The following RIMKLB variants were observed in gnomAD, a reference collection of about 807,000 sequenced individuals.
RIMKLB encodes beta-citrylglutamate synthase B.
In RIMKLB, 7 loss-of-function variants were observed where a neutral mutation model predicts 32.0. That is an observed-to-expected ratio of 0.22 (90% CI 0.12 to 0.41). The LOEUF (loss-of-function observed/expected upper bound fraction) is 0.41, where lower values mean the gene tolerates loss of function less well. Among genes scored for constraint, RIMKLB ranks in the 10% least tolerant of loss-of-function variants. The pLI is 1.00. For synonymous variants in RIMKLB, 172 were observed against 185.1 expected (o/e 0.93, Z 0.57); for missense variants, 289 against 498.7 (o/e 0.58, Z 4.00).
upstream of RIMKLB, among the ~76,000 whole-genome samples, chr12:8,692,494 A>G (rs147074334): frequency 7.2e-5 from 11 of 151,926 alleles, no homozygotes; most frequent in Non-Finnish European, 1.3e-4. Flanking sequence ...TTAAACAAGC[A>G]TTCCAGGTAA....
At position 8,774,509 on chromosome 12, in the gene RIMKLB, G is replaced by T. The variant is rs996188904; in HGVS notation, c.*725G>T. On this transcript the variant is annotated 3_prime_UTR_variant, in exon 6 of 6. Coordinates refer to ENST00000535829, the MANE Select transcript of RIMKLB (RefSeq NM_001297776.2). Reference sequence around the variant, plus strand: ...ATAAAATTACACTAGTTTAAAATATGTGCATTCACTTGTATTTGTTAGTGT... The same window carrying T: ...ATAAAATTACACTAGTTTAAAATATTTGCATTCACTTGTATTTGTTAGTGT... The T allele has an allele frequency of 2.2e-4, 213 of 979,616 alleles. No individual in the cohort carries two copies. The highest frequency in any genetic ancestry group is 2.4e-4 in the Non-Finnish European group (200 of 825,408). 60.7% of individuals were successfully genotyped at this position (979,616 alleles called of 1,614,324 possible). A position where few individuals can be genotyped will look rare whatever the true frequency, so the allele number is the denominator to read the frequency against.
intron 1 of RIMKLB, among the ~76,000 whole-genome samples, chr12:8,684,551 A>AT (rs1168288225): frequency 3.3e-5 from 5 of 152,068 alleles, no homozygotes; most frequent in Non-Finnish European, 7.4e-5. Flanking sequence ...TTTTGAGTAA[A>AT]TTTTTGTGAA....
At chr12:8,768,496 GA>G (rs1434430334) in intron 5 of RIMKLB, among the ~76,000 whole-genome samples, 1 of 152,188 alleles carries the variant, frequency 6.6e-6, no homozygotes, top group African/African-American at 2.4e-5. Flanking sequence ...GTTTTTATAA[GA>G]TTGGCCAATA....
At chr12:8,684,725 A>G (rs1942516680) in intron 1 of RIMKLB, among the ~76,000 whole-genome samples, 1 of 152,040 alleles carries the variant, frequency 6.6e-6, no homozygotes, top group Admixed American at 6.6e-5. Context: ...GGTTCAAGTG[A>G]TTCTCTCACC....
At chr12:8,735,735 C>G (rs1946939983) in intron 2 of RIMKLB, among the ~76,000 whole-genome samples, 1 of 148,020 alleles carries the variant, frequency 6.8e-6, no homozygotes. Flanking sequence ...TTTTGTCTGT[C>G]TGTTTGTTTT....
chr12:8,693,913 TG>T (rs1258881950), upstream of RIMKLB, among the ~76,000 whole-genome samples: 1 of 152,140 alleles, frequency 6.6e-6, no homozygotes, highest in African/African-American at 2.4e-5. Context: ...AATCAGTTTT[TG>T]GGAGCTCTCC....
upstream of RIMKLB, among the ~76,000 whole-genome samples, chr12:8,693,091 CA>C (rs374498088): frequency 3.5e-4 from 54 of 152,294 alleles, no homozygotes; most frequent in African/African-American, 1.2e-3. Flanking sequence ...TCTTCAAACC[CA>C]GGGGGAAATG....
chr12:8,752,173 A>C, intron 4 of RIMKLB, 130 bp downstream of exon 4: 1 of 625,794 alleles, frequency 1.6e-6, no homozygotes, highest in Non-Finnish European at 2.8e-6. Context: ...GAAGGCTACT[A>C]TGAGTTGTTC....
At chr12:8,674,996 C>T in the RIMKLB span, among the ~76,000 whole-genome samples, 1,744 of 150,630 alleles carry the variant, frequency 0.012, 29 homozygotes, top group African/African-American at 0.039. Context: ...CCCGAGTAGC[C>T]GGGATTACAG....
chr12:8,756,191 T>C (rs962972969), intron 5 of RIMKLB, among the ~76,000 whole-genome samples: 1 of 150,614 alleles, frequency 6.6e-6, no homozygotes, highest in Non-Finnish European at 1.5e-5. Flanking sequence ...CATCATGGCA[T>C]GCACCTGTGG....
At chr12:8,767,305 C>T (rs1391217471) in intron 5 of RIMKLB, among the ~76,000 whole-genome samples, 3 of 152,146 alleles carry the variant, frequency 2.0e-5, no homozygotes. Context: ...TGGTGGGGAA[C>T]AGGTCCCACA....
At chr12:8,704,029 T>C (rs759980892) in intron 1 of RIMKLB, among the ~76,000 whole-genome samples, 35 of 152,358 alleles carry the variant, frequency 2.3e-4, no homozygotes, top group Non-Finnish European at 4.7e-4. Context: ...TAAATTGGAA[T>C]AATAGAAGCC....
chr12:8,745,666 T>TTACA (rs1948016619), intron 2 of RIMKLB, among the ~76,000 whole-genome samples: 1 of 151,298 alleles, frequency 6.6e-6, no homozygotes, highest in East Asian at 1.9e-4. Context: ...AGTGCTAGGA[T>TTACA]TACAGGCGTG....
chr12:8,782,715 G>A (rs915095776), intron 7 of RIMKLB, among the ~76,000 whole-genome samples: 9 of 152,048 alleles, frequency 5.9e-5, no homozygotes, highest in African/African-American at 2.2e-4. Context: ...GTCAGAATCA[G>A]AGTATATCTT....
At chr12:8,722,671 A>G (rs1565577448) in intron 2 of RIMKLB, among the ~76,000 whole-genome samples, 1 of 152,240 alleles carries the variant, frequency 6.6e-6, no homozygotes, top group African/African-American at 2.4e-5. Context: ...ATCTTCTTCC[A>G]GCAAAAGGCT....
chr12:8,691,336 C>T (rs971212285), intron 1 of RIMKLB, among the ~76,000 whole-genome samples: 1 of 151,896 alleles, frequency 6.6e-6, no homozygotes, highest in Non-Finnish European at 1.5e-5. Context: ...GGGTTGGGTG[C>T]AGTGGCTCAC....
chr12:8,690,899 G>A (rs1186167878), intron 1 of RIMKLB, among the ~76,000 whole-genome samples: 1 of 152,088 alleles, frequency 6.6e-6, no homozygotes, highest in Non-Finnish European at 1.5e-5. Context: ...CTCCAGCCTG[G>A]CGACAGAGCG....
At chr12:8,697,466 G>C (rs1168661509), upstream of RIMKLB, 1 of 153,042 alleles carries the variant, frequency 6.5e-6, no homozygotes, top group East Asian at 1.9e-4. Flanking sequence ...GCGCCCGAGG[G>C]GGTAGGGGGC....
At chr12:8,758,865 C>T (rs868766171) in intron 5 of RIMKLB, among the ~76,000 whole-genome samples, 5 of 152,092 alleles carry the variant, frequency 3.3e-5, no homozygotes, top group Non-Finnish European at 7.4e-5. Flanking sequence ...TCTATTGTAT[C>T]GTGCTTTTTA....
Sources: allele counts gnomAD v4.1 joint callset (sites outside exome capture counted in the v4.1 genomes callset), GRCh38; gene constraint gnomAD v4.1.1; transcripts MANE v1.5; gene names NCBI Gene and HGNC (gene_info 2026-07-23, HGNC 2026-07-21).